Variants in KRT32 observed in about 807,000 individuals in gnomAD.
KRT32 encodes keratin 32.
KRT32 carries 44 observed loss-of-function variants against 41.8 expected under a neutral mutation model. The observed-to-expected ratio is 1.05, with a 90% CI of 0.83 to 1.35. The LOEUF is 1.35. Ranked by LOEUF, KRT32 falls within the 40% of genes most tolerant of loss-of-function variation. The probability of loss-of-function intolerance (pLI) is 0.00; values close to 1 mark genes in which losing one functional copy is unlikely to be tolerated. For missense variants in KRT32, 576 were observed against 584.6 expected, an observed-to-expected ratio of 0.99 and a Z score of 0.15; for synonymous variants, 238 against 242.5, an observed-to-expected ratio of 0.98 and a Z score of 0.17.
intron 6 of KRT32, among the ~76,000 whole-genome samples, chr17:41,461,837 G>A (rs976901173): frequency 3.3e-5 from 5 of 152,192 alleles, no homozygotes; most frequent in Non-Finnish European, 7.3e-5. Flanking sequence ...TACAACAGTC[G>A]TCAGCCCACT....
At chr17:41,460,705 G>A (rs1011678671) in intron 6 of KRT32, among the ~76,000 whole-genome samples, 1 of 152,170 alleles carries the variant, frequency 6.6e-6, no homozygotes, top group Non-Finnish European at 1.5e-5. Context: ...GTCGAGAGGT[G>A]AGGGGAGCAG....
intron 6 of KRT32, among the ~76,000 whole-genome samples, chr17:41,462,115 G>A (rs1423243234): frequency 3.9e-5 from 6 of 152,106 alleles, no homozygotes; most frequent in African/African-American, 9.7e-5. Context: ...TATGTGCCAC[G>A]TACAGGGAAT....
intron 1 of KRT32, 112 bp downstream of exon 1, chr17:41,466,746 G>T: frequency 1.4e-6 from 1 of 735,272 alleles, no homozygotes; most frequent in East Asian, 2.6e-5. Context: ...ATGCCCTAGG[G>T]AAGTCTCTTT....
chr17:41,464,034 C>G lies in KRT32; in HGVS notation c.996+44G>C, dbSNP rs374724222. On this transcript the variant is annotated intron_variant, in intron 5 of 6. Coordinates refer to ENST00000225899, the MANE Select transcript of KRT32 (RefSeq NM_002278.3). ...GGGGACCTGCACCTATGCTCAGTACCGCCTAGGATCCGGAGGGATGGGTGC... is the reference window on the plus strand; with the variant it reads ...GGGGACCTGCACCTATGCTCAGTACGGCCTAGGATCCGGAGGGATGGGTGC... The G allele has an allele frequency of 4.6e-5, 69 of 1,510,676 alleles. No individual in the cohort carries two copies. The South Asian group carries it at 8.0e-4, about 18-fold the overall frequency. The allele number at this position is 1,510,676 out of a possible 1,614,324, so 93.6% of individuals were successfully genotyped here. A position where few individuals can be genotyped will look rare whatever the true frequency, so the allele number is the denominator to read the frequency against.
Position 41,463,014 on chromosome 17 carries a change from C to T in KRT32, c.1033G>A (p.Ala345Thr). The T allele has an allele frequency of 6.2e-7, 1 of 1,614,006 alleles. No homozygotes were observed. Among genetic ancestry groups the T allele is most frequent in the Non-Finnish European group, 8.5e-7 (1 of 1,179,894 alleles). The change falls in exon 6 of 7, where the codon GCC (alanine) becomes ACC (threonine). Residue 345 changes from alanine to threonine, a missense_variant. Ala to Thr is a moderately conservative substitution (Grantham distance 58). Transcript: ENST00000225899. ...TGGGCCAGCTGGGAGCTGTAGCGGG[C>T]CTCACTCTCCGTCAGCGTGTTTTCC... ...SLENTLTESE[A>T]RYSSQLAQMQ...
intron 5 of KRT32, 66 bp from the exon 6 acceptor site, chr17:41,463,116 C>A: frequency 2.8e-6 from 4 of 1,443,960 alleles, no homozygotes; most frequent in Non-Finnish European, 3.8e-6. Context: ...TCAGAAAGAA[C>A]CAAGAAGAGC....
intron 2 of KRT32, 26 bp from the exon 3 acceptor site, chr17:41,465,955 A>G: frequency 1.2e-6 from 2 of 1,607,286 alleles, no homozygotes; most frequent in Non-Finnish European, 1.7e-6. Context: ...GTCAGCAACC[A>G]AGGGTGAAAC....
chr17:41,462,712 C>T (rs2019014708), intron 6 of KRT32, 118 bp downstream of exon 6: 2 of 1,122,248 alleles, frequency 1.8e-6, no homozygotes, highest in Non-Finnish European at 2.6e-6. Flanking sequence ...TTCTTAATGG[C>T]TCCATAGTCA....
intron 3 of KRT32, 29 bp downstream of exon 3, chr17:41,465,744 G>A: frequency 1.9e-6 from 3 of 1,593,502 alleles, no homozygotes; most frequent in South Asian, 1.1e-5. Flanking sequence ...TGCTTCCCGG[G>A]GCCACTTCAG....
At chr17:41,465,486 G>A (rs2019055837) in intron 3 of KRT32, among the ~76,000 whole-genome samples, 1 of 152,068 alleles carries the variant, frequency 6.6e-6, no homozygotes, top group African/African-American at 2.4e-5. Flanking sequence ...AGAAGGGAAG[G>A]GGGCTACACT....
chr17:41,464,245 G>T (rs1309849358), intron 4 of KRT32, 37 bp downstream of exon 4: 1 of 1,586,422 alleles, frequency 6.3e-7, no homozygotes, highest in East Asian at 2.2e-5. Context: ...CCTTCCTAGG[G>T]ATATGGAGGA....
rs1244937654 is a variant in KRT32 at position 41,464,064 on chromosome 17, C to G, written c.996+14G>C. Reference sequence around the variant, plus strand: ...AGGATCCGGAGGGATGGGTGCCCACCCAGCAGCTCTCACCAGGCTGTGCTG... The same window carrying G: ...AGGATCCGGAGGGATGGGTGCCCACGCAGCAGCTCTCACCAGGCTGTGCTG... On this transcript the variant is annotated intron_variant, in intron 5 of 6. Transcript: ENST00000225899. 1 of 1,564,054 alleles carries G rather than the reference C, an allele frequency of 6.4e-7. No individual in the cohort carries two copies. The highest frequency in any genetic ancestry group is 1.4e-5 in the African/African-American group (1 of 73,498).
Position 41,459,949 on chromosome 17 carries a change from G to T in KRT32, c.*161C>A. 3 of 683,288 alleles carry T rather than the reference G, an allele frequency of 4.4e-6. No individual in the cohort carries two copies. The highest frequency in any genetic ancestry group is 7.1e-6 in the Non-Finnish European group (3 of 420,982). 42.3% of individuals were successfully genotyped at this position (683,288 alleles called of 1,614,324 possible). On this transcript the variant is annotated 3_prime_UTR_variant, in exon 7 of 7. Transcript: ENST00000225899. The stretch of plus-strand genomic sequence containing the variant: ...AAAGAGGCAGTTTTGAAGTGATGAG[G>T]GCTTAAGTATCCCCTGGAGTATCAG...
rs115387719 is a variant in KRT32, at chr17:41,466,972, C to T, written c.354G>A (p.Glu118=). 5.8e-4 allele frequency: 941 copies of T among 1,614,238 alleles called. 6 individuals are homozygous for T. The African/African-American group carries it at 0.011, about 18-fold the overall frequency. ...TGCTCTCCAGCTCCGCATTCTCCTG[C>T]TCCAGCTGCCGCACCCTCGTCAGGT... ...ASYLTRVRQL[E]QENAELESRI... The change falls in exon 1 of 7, where the codon GAG becomes GAA. Residue 118 remains glutamate, a synonymous_variant. Transcript: ENST00000225899.
Position 41,459,658 on chromosome 17 carries a change from T to C in KRT32, c.*452A>G, listed in dbSNP as rs1244259915. ...GATTAGTTTTAACTGGTTTATGGCA[T>C]GCGGGCCCTTTTAGTGAACACCTCT... On this transcript the variant is annotated 3_prime_UTR_variant, in exon 7 of 7. Coordinates refer to ENST00000225899, the MANE Select transcript of KRT32 (RefSeq NM_002278.3). 2.6e-5 allele frequency among the ~76,000 whole-genome samples: 4 copies of C among 152,244 alleles called. No individual in the cohort carries two copies. The highest frequency in any genetic ancestry group is 9.6e-5 in the African/African-American group (4 of 41,460).
chr17:41,464,343 C>T lies in KRT32; in HGVS notation c.809G>A (p.Cys270Tyr). ...GGCCTCCACCATGGCCTCGTACTGACACCGCATCTCCTCCAGCACCCTGGT... is the reference window on the plus strand; with the variant it reads ...GGCCTCCACCATGGCCTCGTACTGATACCGCATCTCCTCCAGCACCCTGGT... Reference protein sequence around the residue: ...DLTRVLEEMRCQYEAMVEANR... With the variant: ...DLTRVLEEMRYQYEAMVEANR... The change falls in exon 4 of 7, where the codon TGT (cysteine) becomes TAT (tyrosine). Residue 270 changes from cysteine to tyrosine, a missense_variant. Physicochemically the swap from Cys to Tyr is radical, Grantham distance 194. Coordinates refer to ENST00000225899, the MANE Select transcript of KRT32 (RefSeq NM_002278.3). 6.2e-7 allele frequency: 1 copy of T among 1,612,432 alleles called. No individual in the cohort carries two copies. Among genetic ancestry groups the T allele is most frequent in the Non-Finnish European group, 8.5e-7 (1 of 1,179,050 alleles).
chr17:41,462,002 C>G (rs2019005268), intron 6 of KRT32, among the ~76,000 whole-genome samples: 1 of 152,192 alleles, frequency 6.6e-6, no homozygotes, highest in Admixed American at 6.5e-5. Context: ...TGGACAGTTT[C>G]CCTGCCTGGT....
chr17:41,465,118 G>A (rs1306185301), intron 3 of KRT32, among the ~76,000 whole-genome samples: 1 of 152,200 alleles, frequency 6.6e-6, no homozygotes, highest in Non-Finnish European at 1.5e-5. Context: ...AGGTGGGCTT[G>A]GCAGCACACA....
At position 41,466,112 on chromosome 17, in the gene KRT32, GCA is replaced by G; in HGVS notation, c.531_532del (p.Ala178ArgfsTer2). On this transcript the variant is annotated frameshift_variant, in exon 2 of 7. Coordinates refer to ENST00000225899, the MANE Select transcript of KRT32 (RefSeq NM_002278.3). LOFTEE classifies it high-confidence loss of function. ...AACTCACTTGGCCCTGAAGTCATCG[GCA>G]GCCAGTTTGGCATTATCAATGTTCA... 1 of 1,614,170 alleles carries G rather than the reference GCA, an allele frequency of 6.2e-7. No homozygotes were observed. The highest frequency in any genetic ancestry group is 8.5e-7 in the Non-Finnish European group (1 of 1,180,022).
Sources: allele counts gnomAD v4.1 joint callset (sites outside exome capture counted in the v4.1 genomes callset), GRCh38; gene constraint gnomAD v4.1.1; transcripts MANE v1.5; gene names NCBI Gene and HGNC (gene_info 2026-07-23, HGNC 2026-07-21).